The following CSMD1 variants were observed in gnomAD, a reference collection of about 807,000 sequenced individuals.
CSMD1 encodes CUB and Sushi multiple domains 1, also known as CUB and sushi domain-containing protein 1.
Under a neutral mutation model 417.5 loss-of-function variants are expected in CSMD1, and 213 were observed. The observed-to-expected ratio is 0.51, with a 90% CI of 0.46 to 0.57. The LOEUF is 0.57. CSMD1 is among the 20% of genes least tolerant of loss of function. CSMD1 has a pLI of 0.00. For synonymous variants in CSMD1, 2,862 were observed against 1,736.8 expected, an observed-to-expected ratio of 1.65 and a Z score of -16.11; for missense variants, 6,923 against 4,529.7, an observed-to-expected ratio of 1.53 and a Z score of -15.17.
In CSMD1 at chr8:3,160,844, A is replaced by C. The variant is rs932561136; in HGVS notation, c.5844+1315T>G. 5.5e-4 allele frequency among the ~76,000 whole-genome samples: 83 copies of C among 152,252 alleles called. 1 individual carries two copies. The highest frequency in any genetic ancestry group is 1.9e-3 in the African/African-American group (81 of 41,550). ...TTGTATATAAAGCACTTGGTAATGC[A>C]CCCCTTTAGCATTCAGCGTTTGCCA... On this transcript the variant is annotated intron_variant, in intron 38 of 69. Coordinates refer to ENST00000635120, the MANE Select transcript of CSMD1 (RefSeq NM_033225.6).
intron 3 of CSMD1, among the ~76,000 whole-genome samples, chr8:4,074,562 A>T (rs1379025864): frequency 6.6e-6 from 1 of 152,172 alleles, no homozygotes; most frequent in Non-Finnish European, 1.5e-5. Flanking sequence ...AGTGGAAGTT[A>T]AAGGATCCGA....
At chr8:3,150,889 T>A (rs1028806656) in intron 40 of CSMD1, among the ~76,000 whole-genome samples, 33 of 152,176 alleles carry the variant, frequency 2.2e-4, no homozygotes, top group African/African-American at 7.0e-4. Flanking sequence ...GTGAATAACC[T>A]AAAATGTTAA....
chr8:4,427,725 T>G (rs1797644361), intron 2 of CSMD1, among the ~76,000 whole-genome samples: 1 of 152,140 alleles, frequency 6.6e-6, no homozygotes. Flanking sequence ...TATCACTAAT[T>G]TGAAACTATT....
At chr8:4,555,130 C>T (rs1448313534) in intron 2 of CSMD1, among the ~76,000 whole-genome samples, 1 of 152,060 alleles carries the variant, frequency 6.6e-6, no homozygotes, top group African/African-American at 2.4e-5. Flanking sequence ...AGGTTTCAAT[C>T]GATGTGAAAT....
chr8:4,041,540 A>G (rs192905706), intron 3 of CSMD1, among the ~76,000 whole-genome samples: 2 of 152,164 alleles, frequency 1.3e-5, no homozygotes, highest in Admixed American at 6.5e-5. Context: ...ATTTATGGGA[A>G]TACAAAAATA....
chr8:4,664,088 G>T (rs763810415), intron 1 of CSMD1, among the ~76,000 whole-genome samples: 28 of 152,110 alleles, frequency 1.8e-4, no homozygotes, highest in Non-Finnish European at 3.7e-4. Flanking sequence ...GTGCGTCATC[G>T]TACAGCCTCA....
intron 1 of CSMD1, among the ~76,000 whole-genome samples, chr8:4,973,719 T>C (rs1382183986): frequency 6.6e-6 from 1 of 152,220 alleles, no homozygotes; most frequent in Non-Finnish European, 1.5e-5. Context: ...TATGTTGTGA[T>C]AATAGACTTG....
chr8:3,303,934 GGGGTATTGCGCCCCATTAT>G (rs1804608861), intron 25 of CSMD1, among the ~76,000 whole-genome samples: 1 of 74,364 alleles, frequency 1.3e-5, no homozygotes, highest in South Asian at 6.2e-4. Context: ...TAACTATTTT[GGGGTATTGCGCCCCATTAT>G]AATAACTATT....
chr8:4,232,365 A>T (rs10091948), intron 3 of CSMD1, among the ~76,000 whole-genome samples: 63,096 of 151,594 alleles, frequency 0.42, 15,112 homozygotes, highest in Non-Finnish European at 0.55. Flanking sequence ...AGCCTGACTA[A>T]TTTTTGTATT....
At chr8:4,695,836 A>C (rs1563160258) in intron 1 of CSMD1, among the ~76,000 whole-genome samples, 2 of 152,218 alleles carry the variant, frequency 1.3e-5, no homozygotes, top group Admixed American at 1.3e-4. Context: ...TAAAATAATA[A>C]ACAGAGGATC....
intron 3 of CSMD1, among the ~76,000 whole-genome samples, chr8:4,349,566 T>C (rs1047298871): frequency 3.5e-4 from 53 of 152,154 alleles, no homozygotes; most frequent in African/African-American, 1.2e-3. Flanking sequence ...TTAGGTGACA[T>C]AGAAGGCTTC....
intron 10 of CSMD1, among the ~76,000 whole-genome samples, chr8:3,526,504 T>A (rs755001735): frequency 1.3e-5 from 2 of 152,142 alleles, no homozygotes; most frequent in African/African-American, 4.8e-5. Context: ...CCAAGCATCC[T>A]ACATAAAACA....
intron 1 of CSMD1, among the ~76,000 whole-genome samples, chr8:4,887,699 T>C (rs895104978): frequency 6.6e-6 from 1 of 152,080 alleles, no homozygotes; most frequent in African/African-American, 2.4e-5. Flanking sequence ...ATTTGCTTTA[T>C]TTGCTTTGTT....
chr8:4,353,353 C>G (rs928078082), intron 3 of CSMD1, among the ~76,000 whole-genome samples: 2 of 152,120 alleles, frequency 1.3e-5, no homozygotes, highest in Admixed American at 1.3e-4. Flanking sequence ...CCTCCTTTGC[C>G]TTCCACCATG....
intron 21 of CSMD1, among the ~76,000 whole-genome samples, chr8:3,350,759 T>A (rs895395821): frequency 6.6e-6 from 1 of 152,154 alleles, no homozygotes; most frequent in Admixed American, 6.5e-5. Flanking sequence ...CAAGAAAGAA[T>A]AATTGAGCAT....
chr8:4,071,831 G>T (rs958818405), intron 3 of CSMD1, among the ~76,000 whole-genome samples: 3 of 152,090 alleles, frequency 2.0e-5, no homozygotes, highest in South Asian at 2.1e-4. Context: ...TGTTGTGGGG[G>T]GGTGGTGTGC....
intron 18 of CSMD1, among the ~76,000 whole-genome samples, chr8:3,377,653 C>G (rs1318473107): frequency 6.6e-6 from 1 of 152,134 alleles, no homozygotes; most frequent in East Asian, 1.9e-4. Flanking sequence ...TCCAGGAATT[C>G]TTACTGTACC....
intron 39 of CSMD1, among the ~76,000 whole-genome samples, chr8:3,153,486 C>G (rs991124436): frequency 8.5e-5 from 13 of 152,080 alleles, no homozygotes; most frequent in African/African-American, 3.1e-4. Flanking sequence ...GGATCACAAC[C>G]CCTTTCCTGT....
chr8:3,818,207 G>A (rs1325202040), intron 5 of CSMD1, among the ~76,000 whole-genome samples: 4 of 152,008 alleles, frequency 2.6e-5, no homozygotes. Context: ...GCTCCTCCAT[G>A]AAAACGCAGA....
Sources: allele counts gnomAD v4.1 joint callset (sites outside exome capture counted in the v4.1 genomes callset), GRCh38; gene constraint gnomAD v4.1.1; transcripts MANE v1.5; gene names NCBI Gene and HGNC (gene_info 2026-07-23, HGNC 2026-07-21).